The following GRM5 variants were observed in gnomAD, a reference collection of about 807,000 sequenced individuals.
The protein encoded by GRM5 is glutamate metabotropic receptor 5, also known as metabotropic glutamate receptor 5.
A neutral mutation model predicts 83.1 loss-of-function variants in GRM5; 19 were observed. That is an observed-to-expected ratio of 0.23 (90% confidence interval 0.16 to 0.34). The LOEUF (loss-of-function observed/expected upper bound fraction) is 0.34. Ranked by LOEUF, GRM5 falls within the 10% of genes least tolerant of loss-of-function variation. GRM5 has a pLI of 1.00. For missense variants in GRM5, 1,160 were observed against 1,588.3 expected (o/e 0.73, Z 4.58); for synonymous variants, 675 against 633.6 (o/e 1.07, Z -0.98).
intron 2 of GRM5, among the ~76,000 whole-genome samples, chr11:88,854,355 A>G (rs972611900): frequency 1.3e-5 from 2 of 151,944 alleles, no homozygotes; most frequent in Non-Finnish European, 2.9e-5. Context: ...CTATTATAAA[A>G]TATTTCACTT....
At chr11:88,701,702 A>C (rs1328159506) in intron 3 of GRM5, among the ~76,000 whole-genome samples, 1 of 152,146 alleles carries the variant, frequency 6.6e-6, no homozygotes, top group Non-Finnish European at 1.5e-5. Flanking sequence ...TGGCCCAAAA[A>C]GGTAGAACAT....
chr11:88,977,205 ATTATT>A lies in GRM5; in HGVS notation c.661+70002_661+70006del, dbSNP rs574325034. On this transcript the variant is annotated intron_variant, in intron 2 of 9. Transcript: ENST00000305447. ...TGTTTCTATTTTTATTTTATATTAT[ATTATT>A]TTATTTTATTTTATTTTTTTGAGAT... is the stretch of plus-strand genomic sequence containing the variant. 9.6e-3 allele frequency among the ~76,000 whole-genome samples: 1,437 copies of A among 150,260 alleles called. 9 individuals are homozygous for A. The highest frequency in any genetic ancestry group is 0.015 in the Non-Finnish European group (1,015 of 67,608).
chr11:88,852,068 A>G (rs1944397219), intron 2 of GRM5, among the ~76,000 whole-genome samples: 1 of 152,226 alleles, frequency 6.6e-6, no homozygotes, highest in Non-Finnish European at 1.5e-5. Flanking sequence ...TTGCATAAAT[A>G]ATTTGAAATT....
chr11:88,570,571 A>ATATTTTTT (rs1405339448), intron 7 of GRM5, among the ~76,000 whole-genome samples: 21 of 46,378 alleles, frequency 4.5e-4, no homozygotes, highest in African/African-American at 2.3e-3. Flanking sequence ...ATATATATAT[A>ATATTTTTT]TTTTTTTTTT....
intron 3 of GRM5, among the ~76,000 whole-genome samples, chr11:88,833,941 C>T (rs1944043912): frequency 6.6e-6 from 1 of 152,044 alleles, no homozygotes; most frequent in South Asian, 2.1e-4. Flanking sequence ...GAAGTGGATA[C>T]CAGAGGCTGA....
intron 9 of GRM5, among the ~76,000 whole-genome samples, chr11:88,519,964 G>A (rs981799609): frequency 1.1e-4 from 16 of 152,128 alleles, no homozygotes; most frequent in Non-Finnish European, 2.1e-4. Flanking sequence ...ATATTAAAGA[G>A]TTGAAATGAC....
intron 3 of GRM5, among the ~76,000 whole-genome samples, chr11:88,815,145 A>G (rs1943653221): frequency 6.6e-6 from 1 of 152,216 alleles, no homozygotes; most frequent in Non-Finnish European, 1.5e-5. Context: ...AAGGACACAC[A>G]AAACACTTAC....
intron 3 of GRM5, among the ~76,000 whole-genome samples, chr11:88,751,072 C>CAAAAAAAAAAAAAAA (rs774458890): frequency 8.7e-4 from 41 of 47,328 alleles, no homozygotes; most frequent in East Asian, 3.5e-3. Context: ...TAGCAGAAGC[C>CAAAAAAAAAAAAAAA]AAAAAAAAAA....
At chr11:88,604,154 C>G (rs1253084032) in intron 5 of GRM5, among the ~76,000 whole-genome samples, 1 of 151,892 alleles carries the variant, frequency 6.6e-6, no homozygotes, top group Non-Finnish European at 1.5e-5. Context: ...AGTTTATGTT[C>G]CTCAAGTTCC....
At chr11:88,909,307 A>G (rs1945454951) in intron 2 of GRM5, among the ~76,000 whole-genome samples, 2 of 152,086 alleles carry the variant, frequency 1.3e-5, no homozygotes, top group Admixed American at 1.3e-4. Flanking sequence ...CAAAATTGCC[A>G]TCCTGTTCTT....
intron 2 of GRM5, among the ~76,000 whole-genome samples, chr11:88,878,495 C>T (rs1845752335): frequency 6.6e-6 from 1 of 152,100 alleles, no homozygotes; most frequent in African/African-American, 2.4e-5. Context: ...TGGAGCTGGC[C>T]AAGTGCCAAG....
chr11:88,581,310 T>C (rs1453066116), intron 7 of GRM5, among the ~76,000 whole-genome samples: 1 of 152,218 alleles, frequency 6.6e-6, no homozygotes, highest in African/African-American at 2.4e-5. Flanking sequence ...TTTTGTATGC[T>C]ATAAAATAGC....
chr11:88,719,466 T>C (rs916947604), intron 3 of GRM5, among the ~76,000 whole-genome samples: 1 of 152,146 alleles, frequency 6.6e-6, no homozygotes, highest in Non-Finnish European at 1.5e-5. Flanking sequence ...TCTATCATGA[T>C]GGGCATTTAG....
chr11:88,892,049 G>A (rs550985452), intron 2 of GRM5, among the ~76,000 whole-genome samples: 9 of 152,022 alleles, frequency 5.9e-5, no homozygotes, highest in South Asian at 4.2e-4. Context: ...AACAAAATTC[G>A]GAGCAGGTTT....
At chr11:88,849,145 A>G (rs1011238031) in intron 3 of GRM5, among the ~76,000 whole-genome samples, 2 of 151,070 alleles carry the variant, frequency 1.3e-5, no homozygotes, top group Non-Finnish European at 3.0e-5. Context: ...TCATATGTGT[A>G]TATATATATA....
intron 2 of GRM5, among the ~76,000 whole-genome samples, chr11:88,889,657 G>C (rs567326592): frequency 2.4e-4 from 37 of 152,202 alleles, no homozygotes; most frequent in South Asian, 1.2e-3. Context: ...ATATTTAAAA[G>C]GCCTTTATAT....
intron 2 of GRM5, among the ~76,000 whole-genome samples, chr11:88,974,175 A>C (rs545923987): frequency 4.6e-4 from 70 of 152,264 alleles, no homozygotes; most frequent in Non-Finnish European, 6.2e-4. Flanking sequence ...CTTTTTTATC[A>C]AGAAAGCAGA....
In GRM5 at chr11:88,555,583, T is replaced by C. The variant is rs139328101; in HGVS notation, c.2630+11470A>G. On this transcript the variant is annotated intron_variant, in intron 8 of 9. Transcript: ENST00000305447. ...CAAACTAAAAAGTCACATAAATAAA[T>C]GAAAGAAACAGCATTATTAGTTTGT... Among the ~76,000 whole-genome samples the C allele has an allele frequency of 4.3e-4, 66 of 152,190 alleles. 1 individual carries two copies. The East Asian group carries it at 0.011, about 26-fold the overall frequency.
intron 3 of GRM5, among the ~76,000 whole-genome samples, chr11:88,839,924 G>T (rs992466411): frequency 1.3e-5 from 2 of 152,088 alleles, no homozygotes; most frequent in African/African-American, 4.8e-5. Flanking sequence ...AAATCATAGG[G>T]AAGAAAAATA....
Sources: gnomAD v4.1 joint callset for allele counts (sites outside exome capture counted in the v4.1 genomes callset) on GRCh38, gnomAD v4.1.1 for gene constraint, MANE v1.5 for transcripts, NCBI Gene and HGNC (gene_info 2026-07-23, HGNC 2026-07-21) for gene names.